Variants in RYR2 observed in about 807,000 individuals in gnomAD.
The protein encoded by RYR2 is ryanodine receptor 2, also known as cardiac muscle ryanodine receptor-calcium release channel.
RYR2 carries 227 observed loss-of-function variants against 601.1 expected under a neutral mutation model. That is an observed-to-expected ratio of 0.38 (90% confidence interval 0.34 to 0.42). The LOEUF (loss-of-function observed/expected upper bound fraction) is 0.42. Among genes scored for constraint, RYR2 ranks in the 10% least tolerant of loss-of-function variants. The probability of loss-of-function intolerance (pLI) is 1.00; values close to 1 mark genes in which losing one functional copy is unlikely to be tolerated. For synonymous variants in RYR2, 2,223 were observed against 2,175.1 expected, an observed-to-expected ratio of 1.02 and a Z score of -0.61; for missense variants, 4,646 against 6,156.5, an observed-to-expected ratio of 0.75 and a Z score of 8.21.
intron 29 of RYR2, among the ~76,000 whole-genome samples, chr1:237,585,230 A>G (rs1674397937): frequency 6.6e-6 from 1 of 152,170 alleles, no homozygotes; most frequent in African/African-American, 2.4e-5. Flanking sequence ...GGGCATTGGG[A>G]TCCACCAGAC....
At chr1:237,607,093 T>C (rs928524817) in intron 35 of RYR2, among the ~76,000 whole-genome samples, 2 of 152,236 alleles carry the variant, frequency 1.3e-5, no homozygotes, top group Non-Finnish European at 2.9e-5. Flanking sequence ...CAAAGGATTA[T>C]AAATCATGCT....
intron 102 of RYR2, 159 bp from the exon 103 acceptor site, chr1:237,830,371 C>A: frequency 1.8e-6 from 1 of 549,528 alleles, no homozygotes; most frequent in South Asian, 2.2e-5. Flanking sequence ...GTTACAGCGA[C>A]AGTTCCATTT....
intron 1 of RYR2, among the ~76,000 whole-genome samples, chr1:237,149,324 CA>C (rs1305270291): frequency 1.3e-5 from 2 of 150,954 alleles, no homozygotes; most frequent in African/African-American, 4.9e-5. Context: ...AAAACAAAAA[CA>C]AAAAACCAAA....
chr1:237,796,526 G>T (rs1208356982), intron 96 of RYR2, among the ~76,000 whole-genome samples: 1 of 151,890 alleles, frequency 6.6e-6, no homozygotes, highest in Non-Finnish European at 1.5e-5. Context: ...TCTTTCTTTT[G>T]GTTTCTTTTA....
At chr1:237,232,192 G>A (rs1685071268) in intron 1 of RYR2, among the ~76,000 whole-genome samples, 1 of 152,120 alleles carries the variant, frequency 6.6e-6, no homozygotes, top group South Asian at 2.1e-4. Flanking sequence ...CAGAACCTAG[G>A]TAGCTTCAGA....
chr1:237,468,980 G>T, intron 16 of RYR2, 112 bp from the exon 17 acceptor site: 1 of 728,492 alleles, frequency 1.4e-6, no homozygotes, highest in Admixed American at 2.4e-5. Context: ...GTTTTTAGAT[G>T]TAACAGAGGA....
intron 4 of RYR2, among the ~76,000 whole-genome samples, chr1:237,356,308 A>AC (rs1177031280): frequency 1.3e-5 from 2 of 152,012 alleles, no homozygotes; most frequent in African/African-American, 2.4e-5. Flanking sequence ...TCTTCTGCAA[A>AC]AAAAAACAAA....
At chr1:237,816,259 C>G (rs1316808409) in intron 100 of RYR2, among the ~76,000 whole-genome samples, 1 of 152,120 alleles carries the variant, frequency 6.6e-6, no homozygotes, top group African/African-American at 2.4e-5. Context: ...AAACACAAAG[C>G]TACTTGTGAA....
At chr1:237,273,555 G>T (rs1252454528) in intron 2 of RYR2, among the ~76,000 whole-genome samples, 1 of 43,274 alleles carries the variant, frequency 2.3e-5, no homozygotes, top group Non-Finnish European at 3.7e-5. Context: ...GGTTTTAGGG[G>T]AGAGTGTCTT....
At chr1:237,585,629 A>G (rs1674444356) in intron 29 of RYR2, among the ~76,000 whole-genome samples, 1 of 152,238 alleles carries the variant, frequency 6.6e-6, no homozygotes, top group Non-Finnish European at 1.5e-5. Context: ...TTCTAGAAAT[A>G]TTGGTTGTTT....
At chr1:237,260,653 T>C (rs1306266133) in intron 1 of RYR2, among the ~76,000 whole-genome samples, 1 of 152,192 alleles carries the variant, frequency 6.6e-6, no homozygotes, top group Non-Finnish European at 1.5e-5. Flanking sequence ...GGCAACATGG[T>C]GAGACCCTGT....
chr1:237,742,991 G>C (rs1691742426), intron 80 of RYR2, among the ~76,000 whole-genome samples: 1 of 152,084 alleles, frequency 6.6e-6, no homozygotes, highest in East Asian at 1.9e-4. Flanking sequence ...TGCTTATACT[G>C]TACTTTCGTT....
intron 27 of RYR2, among the ~76,000 whole-genome samples, chr1:237,558,055 A>C (rs1404767608): frequency 6.6e-6 from 1 of 152,202 alleles, no homozygotes; most frequent in Non-Finnish European, 1.5e-5. Flanking sequence ...AGAGAGGTTG[A>C]AAGTACAGTA....
At chr1:237,368,153 G>T (rs1254230275) in intron 5 of RYR2, among the ~76,000 whole-genome samples, 6 of 152,022 alleles carry the variant, frequency 3.9e-5, no homozygotes, top group Non-Finnish European at 8.8e-5. Context: ...AGTATAAATG[G>T]GGCTGTGCAA....
intron 1 of RYR2, among the ~76,000 whole-genome samples, chr1:237,100,846 G>A (rs1668006520): frequency 1.3e-5 from 2 of 152,144 alleles, no homozygotes; most frequent in Admixed American, 1.3e-4. Context: ...CCCGGCCCCT[G>A]GGAAACTCAC....
chr1:237,796,027 A>C (rs1659183595), intron 96 of RYR2, among the ~76,000 whole-genome samples: 1 of 150,424 alleles, frequency 6.6e-6, no homozygotes, highest in South Asian at 2.1e-4. Context: ...TATATTTGTA[A>C]ATGTACATAT....
At chr1:237,766,199 C>T (rs1693836512) in intron 84 of RYR2, among the ~76,000 whole-genome samples, 1 of 152,162 alleles carries the variant, frequency 6.6e-6, no homozygotes, top group Admixed American at 6.5e-5. Context: ...AAGGAATCTA[C>T]ACTTTATCTG....
At chr1:237,539,738 G>T (rs1669048800) in intron 25 of RYR2, among the ~76,000 whole-genome samples, 1 of 152,120 alleles carries the variant, frequency 6.6e-6, no homozygotes. Context: ...GTTAATGCAT[G>T]CTGGGCTTCA....
intron 1 of RYR2, among the ~76,000 whole-genome samples, chr1:237,260,133 A>G (rs1486882715): frequency 6.6e-6 from 1 of 152,232 alleles, no homozygotes; most frequent in African/African-American, 2.4e-5. Flanking sequence ...AAGTACATCA[A>G]AGAAACAAAA....
Sources: gnomAD v4.1 joint callset for allele counts (sites outside exome capture counted in the v4.1 genomes callset) on GRCh38, gnomAD v4.1.1 for gene constraint, MANE v1.5 for transcripts, NCBI Gene and HGNC (gene_info 2026-07-23, HGNC 2026-07-21) for gene names.